The following DAB1 variants were observed in gnomAD, a reference collection of about 807,000 sequenced individuals.
The protein encoded by DAB1 is DAB adaptor protein 1.
Under a neutral mutation model 64.6 loss-of-function variants are expected in DAB1, and 15 were observed. The ratio of observed to expected loss-of-function variants is 0.23; its 90% CI spans 0.16 to 0.36. The LOEUF is 0.36. DAB1 is among the 10% of genes least tolerant of loss of function. The probability of loss-of-function intolerance (pLI) is 1.00; values close to 1 mark genes in which losing one functional copy is unlikely to be tolerated. For missense variants in DAB1, 596 were observed against 706.7 expected, an observed-to-expected ratio of 0.84 and a Z score of 1.78; for synonymous variants, 235 against 251.9, an observed-to-expected ratio of 0.93 and a Z score of 0.64.
rs77969594 is a variant in DAB1 at position 58,415,533 on chromosome 1, C to T, written n.258-72130G>A. 9.8e-3 allele frequency: 2,025 copies of T among 206,400 alleles called. 50 individuals carry two copies. Among genetic ancestry groups the T allele is most frequent in the African/African-American group, 0.045 (1,919 of 42,892 alleles). The allele number at this position is 206,400 out of a possible 1,614,324, so 12.8% of individuals were successfully genotyped here. On this transcript the variant is annotated intron_variant and non_coding_transcript_variant, in intron 3 of 20. Coordinates refer to the DAB1 transcript ENST00000485760. Reference sequence around the variant, plus strand: ...TTAAGTGGACACAGAAATCACACCTCACTTCAGCCAAAAATATGTATGCAT... The same window carrying T: ...TTAAGTGGACACAGAAATCACACCTTACTTCAGCCAAAAATATGTATGCAT...
intron 6 of DAB1, among the ~76,000 whole-genome samples, chr1:57,769,395 G>A (rs747605000): frequency 3.9e-5 from 6 of 152,074 alleles, no homozygotes; most frequent in Non-Finnish European, 7.4e-5. Context: ...AGCTAGTCTC[G>A]GACCATGCAG....
Position 57,067,446 on chromosome 1 carries a change from C to T in DAB1, c.663+1914G>A, listed in dbSNP as rs543129002. ...CCTTATCACTGTGAGCCTCACTTTC[C>T]TTATCTGTAAGGTGGGAATAATGAT... On this transcript the variant is annotated intron_variant, in intron 8 of 14. Coordinates refer to ENST00000371236, the MANE Select transcript of DAB1 (RefSeq NM_001365792.1). 9.9e-5 allele frequency among the ~76,000 whole-genome samples: 15 copies of T among 152,218 alleles called. No homozygotes were observed. In the South Asian group the frequency reaches 2.3e-3, roughly 23 times the overall value.
In DAB1 at chr1:58,046,889, T is replaced by C. The variant is rs1255272201; in HGVS notation, n.387+103622A>G. Among the ~76,000 whole-genome samples the C allele has an allele frequency of 2.0e-5, 3 of 152,272 alleles. No individual in the cohort carries two copies. In the East Asian group the frequency reaches 5.8e-4, roughly 29 times the overall value. ...TACCTACAATTTCTGGGCCACTCAC[T>C]GAGTGGAGAAGAACTGATTTTGTTT... On this transcript the variant is annotated intron_variant and non_coding_transcript_variant, in intron 5 of 20. Coordinates refer to the DAB1 transcript ENST00000485760.
chr1:58,172,216 T>G (rs950979556), intron 4 of DAB1, among the ~76,000 whole-genome samples: 3 of 152,178 alleles, frequency 2.0e-5, no homozygotes, highest in Non-Finnish European at 4.4e-5. Flanking sequence ...AAAACTCCTC[T>G]TTATATGTCA....
At chr1:57,712,755 T>C (rs751705963) in intron 6 of DAB1, among the ~76,000 whole-genome samples, 8 of 152,138 alleles carry the variant, frequency 5.3e-5, no homozygotes, top group Non-Finnish European at 8.8e-5. Flanking sequence ...ACCCAGAACA[T>C]TCATTTTACA....
chr1:58,274,613 C>A (rs574371905), intron 4 of DAB1, among the ~76,000 whole-genome samples: 1 of 151,486 alleles, frequency 6.6e-6, no homozygotes, highest in Non-Finnish European at 1.5e-5. Flanking sequence ...GCCTCGCTGC[C>A]GCCTTGCAGT....
At chr1:58,417,100 C>T (rs1468709161) in intron 3 of DAB1, among the ~76,000 whole-genome samples, 2 of 152,166 alleles carry the variant, frequency 1.3e-5, no homozygotes, top group Non-Finnish European at 2.9e-5. Flanking sequence ...TATTGGAAAG[C>T]ACTTAGTAAA....
chr1:57,037,439 C>T (rs1647206650), intron 9 of DAB1, among the ~76,000 whole-genome samples: 1 of 152,116 alleles, frequency 6.6e-6, no homozygotes, highest in African/African-American at 2.4e-5. Context: ...TGACAAGGAC[C>T]ACACAAGGCT....
chr1:58,280,404 C>G (rs1197598310), intron 4 of DAB1, among the ~76,000 whole-genome samples: 1 of 152,222 alleles, frequency 6.6e-6, no homozygotes, highest in Non-Finnish European at 1.5e-5. Context: ...CTTTCCAATT[C>G]TGGTTCAGCC....
chr1:57,475,942 C>T (rs775072172), intron 7 of DAB1, among the ~76,000 whole-genome samples: 3 of 152,094 alleles, frequency 2.0e-5, no homozygotes, highest in African/African-American at 2.4e-5. Context: ...ACAGTATGCT[C>T]GGCCAGGTGC....
At chr1:57,120,823 A>G (rs1656569252) in intron 4 of DAB1, among the ~76,000 whole-genome samples, 1 of 152,138 alleles carries the variant, frequency 6.6e-6, no homozygotes, top group African/African-American at 2.4e-5. Context: ...AGTCCATTGC[A>G]TGTGTATAGC....
chr1:57,182,453 C>A (rs1663074879), intron 2 of DAB1, among the ~76,000 whole-genome samples: 1 of 152,152 alleles, frequency 6.6e-6, no homozygotes, highest in African/African-American at 2.4e-5. Flanking sequence ...GGGGCTAGAG[C>A]CCACAACTGC....
At chr1:57,170,832 G>A (rs1361452452) in intron 2 of DAB1, among the ~76,000 whole-genome samples, 5 of 152,050 alleles carry the variant, frequency 3.3e-5, no homozygotes, top group Non-Finnish European at 7.4e-5. Context: ...TCTTGCTCGC[G>A]GTATCTGCGT....
intron 6 of DAB1, among the ~76,000 whole-genome samples, chr1:57,687,599 CA>C (rs57316234): frequency 0.21 from 17,170 of 82,770 alleles, 799 homozygotes; most frequent in South Asian, 0.31. Context: ...TCTTAAGAAA[CA>C]AAAAAAAAAA....
intron 4 of DAB1, among the ~76,000 whole-genome samples, chr1:58,179,512 T>G (rs1013637740): frequency 6.6e-6 from 1 of 152,150 alleles, no homozygotes; most frequent in African/African-American, 2.4e-5. Flanking sequence ...TCATTTTCTT[T>G]GCTTGTTTTA....
chr1:57,434,824 A>G (rs185866682), intron 7 of DAB1, among the ~76,000 whole-genome samples: 15 of 152,282 alleles, frequency 9.9e-5, no homozygotes, highest in Admixed American at 9.2e-4. Flanking sequence ...TACAGTAAAA[A>G]TACAATATAA....
At chr1:58,431,860 C>G (rs1249012047) in intron 3 of DAB1, among the ~76,000 whole-genome samples, 1 of 152,098 alleles carries the variant, frequency 6.6e-6, no homozygotes, top group East Asian at 1.9e-4. Context: ...CAGATGTGAA[C>G]TGATGAGATG....
chr1:57,455,841 A>C (rs1171064391), intron 7 of DAB1, among the ~76,000 whole-genome samples: 1 of 152,098 alleles, frequency 6.6e-6, no homozygotes, highest in Non-Finnish European at 1.5e-5. Context: ...GTTGGAAGAA[A>C]ACTTGGGACG....
At chr1:57,263,175 GC>G (rs1558048157) in intron 2 of DAB1, among the ~76,000 whole-genome samples, 2 of 151,586 alleles carry the variant, frequency 1.3e-5, no homozygotes. Flanking sequence ...GAGTGCAATG[GC>G]ACAATCTCGG....
Sources: allele counts gnomAD v4.1 joint callset (sites outside exome capture counted in the v4.1 genomes callset), GRCh38; gene constraint gnomAD v4.1.1; transcripts MANE v1.5; gene names NCBI Gene and HGNC (gene_info 2026-07-23, HGNC 2026-07-21).